CSGALNACT1: variants seen among roughly 807,000 people sequenced by gnomAD.
CSGALNACT1 encodes chondroitin sulfate N-acetylgalactosaminyltransferase 1.
Under a neutral mutation model 51.0 loss-of-function variants are expected in CSGALNACT1, and 52 were observed. That is an observed-to-expected ratio of 1.02 (90% CI 0.82 to 1.29). CSGALNACT1 has a LOEUF of 1.29. CSGALNACT1 is among the 50% of genes most tolerant of loss of function. CSGALNACT1 has a pLI of 0.00. For missense variants in CSGALNACT1, 935 were observed against 679.2 expected, an observed-to-expected ratio of 1.38 and a Z score of -4.19; for synonymous variants, 341 against 254.4, an observed-to-expected ratio of 1.34 and a Z score of -3.24.
upstream of CSGALNACT1, among the ~76,000 whole-genome samples, chr8:19,604,673 CGAGGCG>C (rs2154147516): frequency 6.6e-6 from 1 of 150,810 alleles, no homozygotes; most frequent in South Asian, 2.1e-4. Flanking sequence ...TTTGGGAGGC[CGAGGCG>C]GGCAGATCAC....
chr8:19,732,346 T>C (rs2063738375), intron 1 of CSGALNACT1: 1 of 152,190 alleles, frequency 6.6e-6, no homozygotes, highest in African/African-American at 2.4e-5. Context: ...AATCAATCAA[T>C]GTCTACTGTG....
chr8:19,465,911 G>C (rs1184397652), intron 4 of CSGALNACT1, among the ~76,000 whole-genome samples: 1 of 152,132 alleles, frequency 6.6e-6, no homozygotes, highest in Non-Finnish European at 1.5e-5. Context: ...AGATAACTCA[G>C]CACATAGAAA....
At position 19,552,883 on chromosome 8, in the gene CSGALNACT1, G is replaced by A. The variant is rs149740817; in HGVS notation, c.-297+38277C>T. Among the ~76,000 whole-genome samples, 480 of 152,124 alleles carry A rather than the reference G, an allele frequency of 3.2e-3. 7 individuals carry two copies. The highest frequency in any genetic ancestry group is 0.027 in the Admixed American group (411 of 15,286). The stretch of plus-strand genomic sequence containing the variant: ...TGCAAACAGGTACTCCTTCAAAAAC[G>A]TACTAAGAACAGGAGAGTGGCTGAT... On this transcript the variant is annotated intron_variant, in intron 3 of 9. Coordinates refer to ENST00000454498, the Ensembl canonical transcript of CSGALNACT1.
At chr8:19,634,395 G>A (rs1418888844) in intron 1 of CSGALNACT1, among the ~76,000 whole-genome samples, 1 of 152,148 alleles carries the variant, frequency 6.6e-6, no homozygotes, top group African/African-American at 2.4e-5. Flanking sequence ...CAGGTGTGGT[G>A]GCTCATGCCT....
At chr8:19,572,069 T>C (rs375949110) in intron 3 of CSGALNACT1, among the ~76,000 whole-genome samples, 1 of 152,228 alleles carries the variant, frequency 6.6e-6, no homozygotes, top group Non-Finnish European at 1.5e-5. Context: ...AGTGTTTTTC[T>C]CATGTTGAGA....
intron 1 of CSGALNACT1, among the ~76,000 whole-genome samples, chr8:19,730,211 T>C (rs2063614918): frequency 6.6e-6 from 1 of 151,090 alleles, no homozygotes; most frequent in Admixed American, 6.6e-5. Flanking sequence ...CACTCCCTTC[T>C]TTACACTCAA....
intron 1 of CSGALNACT1, among the ~76,000 whole-genome samples, chr8:19,714,605 A>G (rs1046196188): frequency 6.6e-6 from 1 of 152,024 alleles, no homozygotes; most frequent in African/African-American, 2.4e-5. Context: ...GGTAATTTCT[A>G]TTAACTCATT....
chr8:19,447,056 G>T (rs1264095342), intron 5 of CSGALNACT1, among the ~76,000 whole-genome samples: 6 of 152,154 alleles, frequency 3.9e-5, no homozygotes. Flanking sequence ...CATGGTCTTT[G>T]AGTTCTGTTA....
Position 19,483,566 on chromosome 8 carries a change from A to G in CSGALNACT1, c.634+21635T>C, listed in dbSNP as rs2072040228. ...TGTTCCCTTCTATCTCTCTAGACTTAGCTCAGAATATCTTCCTCCAGGGAT... is the reference window on the plus strand; with the variant it reads ...TGTTCCCTTCTATCTCTCTAGACTTGGCTCAGAATATCTTCCTCCAGGGAT... On this transcript the variant is annotated intron_variant, in intron 4 of 9. Coordinates refer to ENST00000454498, the Ensembl canonical transcript of CSGALNACT1. 2.0e-5 allele frequency among the ~76,000 whole-genome samples: 3 copies of G among 152,142 alleles called. No individual in the cohort carries two copies. In the South Asian group the frequency reaches 6.2e-4, roughly 32 times the overall value.
intron 1 of CSGALNACT1, among the ~76,000 whole-genome samples, chr8:19,624,231 T>C (rs1317846174): frequency 6.6e-6 from 1 of 152,156 alleles, no homozygotes; most frequent in Non-Finnish European, 1.5e-5. Flanking sequence ...AAGGGATTAT[T>C]ATCTTGACTT....
chr8:19,479,468 T>C (rs989972850), intron 4 of CSGALNACT1, among the ~76,000 whole-genome samples: 1 of 152,234 alleles, frequency 6.6e-6, no homozygotes. Flanking sequence ...GTGGTTATTC[T>C]TTTTCTTTCA....
chr8:19,552,867 G>A (rs2088555347), intron 3 of CSGALNACT1, among the ~76,000 whole-genome samples: 1 of 152,042 alleles, frequency 6.6e-6, no homozygotes. Flanking sequence ...CTGCAAACAG[G>A]TACTCCTTCA....
At chr8:19,480,646 G>C (rs2071110515) in intron 4 of CSGALNACT1, among the ~76,000 whole-genome samples, 1 of 152,148 alleles carries the variant, frequency 6.6e-6, no homozygotes, top group South Asian at 2.1e-4. Context: ...ACCTAGCAAA[G>C]AGCATAGTTG....
At chr8:19,610,804 G>A (rs2052141617) in intron 1 of CSGALNACT1, among the ~76,000 whole-genome samples, 2 of 152,220 alleles carry the variant, frequency 1.3e-5, no homozygotes, top group South Asian at 2.1e-4. Context: ...GCAAGAAACC[G>A]GGATACGGAA....
chr8:19,653,957 C>A (rs148763423), intron 1 of CSGALNACT1, among the ~76,000 whole-genome samples: 3 of 152,168 alleles, frequency 2.0e-5, no homozygotes, highest in African/African-American at 7.2e-5. Flanking sequence ...CCCCTCTCCC[C>A]TTCCTTGCAA....
intron 3 of CSGALNACT1, among the ~76,000 whole-genome samples, chr8:19,515,894 T>C (rs910529480): frequency 3.3e-5 from 5 of 151,878 alleles, no homozygotes; most frequent in African/African-American, 4.8e-5. Context: ...CCCCAGAAGG[T>C]GCAATGAGGG....
At chr8:19,479,066 C>A (rs922453977) in intron 4 of CSGALNACT1, among the ~76,000 whole-genome samples, 1 of 152,162 alleles carries the variant, frequency 6.6e-6, no homozygotes, top group Non-Finnish European at 1.5e-5. Flanking sequence ...GTTACATGGT[C>A]TTATTAATGA....
intron 1 of CSGALNACT1, among the ~76,000 whole-genome samples, chr8:19,639,112 C>G (rs1257922495): frequency 2.6e-5 from 4 of 152,112 alleles, no homozygotes; most frequent in African/African-American, 9.7e-5. Flanking sequence ...GTTTCCCTAG[C>G]CCCTCTAAAA....
chr8:19,554,248 G>C (rs1176679896), intron 3 of CSGALNACT1, among the ~76,000 whole-genome samples: 1 of 152,178 alleles, frequency 6.6e-6, no homozygotes, highest in Non-Finnish European at 1.5e-5. Flanking sequence ...TTTATCATCA[G>C]CAACACTGCA....
Sources: gnomAD v4.1 joint callset for allele counts (sites outside exome capture counted in the v4.1 genomes callset) on GRCh38, gnomAD v4.1.1 for gene constraint, MANE v1.5 for transcripts, NCBI Gene and HGNC (gene_info 2026-07-23, HGNC 2026-07-21) for gene names.